DNM3: variants seen among roughly 807,000 people sequenced by gnomAD.
The protein encoded by DNM3 is dynamin-3.
A neutral mutation model predicts 101.6 loss-of-function variants in DNM3; 47 were observed. The observed-to-expected ratio is 0.46, with a 90% CI of 0.37 to 0.59. DNM3 has a LOEUF of 0.59. DNM3 is among the 20% of genes least tolerant of loss of function. The pLI, the probability that DNM3 is intolerant of heterozygous loss-of-function variation, is 0.00. For missense variants in DNM3, 849 were observed against 1,085.7 expected (o/e 0.78, Z 3.06); for synonymous variants, 385 against 387.9 (o/e 0.99, Z 0.09).
intron 15 of DNM3, among the ~76,000 whole-genome samples, chr1:172,258,794 G>A (rs2062524474): frequency 2.0e-5 from 3 of 151,306 alleles, no homozygotes; most frequent in African/African-American, 2.4e-5. Context: ...TTAATTCTGG[G>A]TTTTGTTTGT....
At chr1:171,868,876 C>T (rs1012973725) in intron 1 of DNM3, among the ~76,000 whole-genome samples, 2 of 152,044 alleles carry the variant, frequency 1.3e-5, no homozygotes, top group Admixed American at 6.5e-5. Context: ...ATCTGCCTCC[C>T]GGGTTCAAGC....
intron 1 of DNM3, among the ~76,000 whole-genome samples, chr1:171,847,026 GTA>G (rs1402669821): frequency 1.3e-5 from 2 of 152,274 alleles, no homozygotes; most frequent in East Asian, 3.9e-4. Context: ...CTGGGATTCA[GTA>G]TGACTCCTCC....
intron 14 of DNM3, among the ~76,000 whole-genome samples, chr1:172,189,957 C>T (rs185071636): frequency 0.011 from 1,666 of 151,794 alleles, 24 homozygotes; most frequent in African/African-American, 0.038. Flanking sequence ...GTTCCATCAC[C>T]ATAATCAAAT....
chr1:171,989,937 G>T (rs981356341), intron 4 of DNM3, among the ~76,000 whole-genome samples: 3 of 151,604 alleles, frequency 2.0e-5, no homozygotes, highest in Non-Finnish European at 2.9e-5. Flanking sequence ...ACTCCTAAAT[G>T]AATCCTTTAT....
At chr1:171,983,322 TG>T (rs1481494701) in intron 2 of DNM3, among the ~76,000 whole-genome samples, 1 of 121,498 alleles carries the variant, frequency 8.2e-6, no homozygotes, top group Non-Finnish European at 1.7e-5. Flanking sequence ...CCAGATGTGG[TG>T]GCACACTGCC....
chr1:171,952,780 A>T (rs922190884), intron 2 of DNM3, among the ~76,000 whole-genome samples: 1 of 152,202 alleles, frequency 6.6e-6, no homozygotes, highest in African/African-American at 2.4e-5. Context: ...AATAACTTAT[A>T]TCATTGCTTC....
intron 20 of DNM3, among the ~76,000 whole-genome samples, chr1:172,390,046 A>C (rs1469392570): frequency 5.3e-5 from 8 of 152,218 alleles, no homozygotes; most frequent in Non-Finnish European, 1.0e-4. Context: ...AGAGTTTGAT[A>C]CACTGTAAAG....
intron 16 of DNM3, among the ~76,000 whole-genome samples, chr1:172,318,582 A>ACACACC (rs2065518343): frequency 1.3e-5 from 2 of 152,168 alleles, no homozygotes; most frequent in Non-Finnish European, 2.9e-5. Flanking sequence ...AAGCATTCTT[A>ACACACC]TACACCAATA....
intron 1 of DNM3, among the ~76,000 whole-genome samples, chr1:171,899,392 T>G (rs2038102944): frequency 1.3e-5 from 2 of 152,186 alleles, no homozygotes; most frequent in South Asian, 4.1e-4. Context: ...AGTTTTGAAG[T>G]GACTAAAAAT....
chr1:172,127,576 A>AT (rs1266427175), intron 13 of DNM3, among the ~76,000 whole-genome samples: 1 of 151,144 alleles, frequency 6.6e-6, no homozygotes, highest in Non-Finnish European at 1.5e-5. Flanking sequence ...TGCTGGGCTA[A>AT]TTTTTTGTAT....
At chr1:171,923,017 A>T (rs935961407) in intron 2 of DNM3, among the ~76,000 whole-genome samples, 5 of 152,204 alleles carry the variant, frequency 3.3e-5, no homozygotes, top group Non-Finnish European at 7.3e-5. Flanking sequence ...ACATTCATGT[A>T]CATGTTTCTG....
chr1:172,410,927 ACATTTTCTATG>A lies in DNM3; in HGVS notation c.*3090_*3100del, dbSNP rs2071167779. ...ATGTTGATGTTTTCTGTGTACAAAC[ACATTTTCTATG>A]CATGTGTCTCTGTGTATATGGCATA... On this transcript the variant is annotated 3_prime_UTR_variant, in exon 21 of 21. Transcript: ENST00000627582. 1.0e-6 allele frequency: 1 copy of A among 985,280 alleles called. No homozygotes were observed. The highest frequency in any genetic ancestry group is 1.2e-6 in the Non-Finnish European group (1 of 829,810). 61.0% of individuals were successfully genotyped at this position (985,280 alleles called of 1,614,324 possible).
At chr1:172,160,264 A>G (rs542105303) in intron 14 of DNM3, among the ~76,000 whole-genome samples, 3 of 152,124 alleles carry the variant, frequency 2.0e-5, no homozygotes, top group African/African-American at 7.2e-5. Flanking sequence ...TTCTTCAACA[A>G]TAAAGTAACC....
intron 4 of DNM3, among the ~76,000 whole-genome samples, chr1:172,031,684 T>G (rs979218438): frequency 2.6e-5 from 4 of 152,182 alleles, no homozygotes; most frequent in Non-Finnish European, 5.9e-5. Flanking sequence ...GGTTCTTACA[T>G]TATTTATTAC....
chr1:172,182,123 G>A (rs1214742487), intron 14 of DNM3, among the ~76,000 whole-genome samples: 1 of 151,332 alleles, frequency 6.6e-6, no homozygotes, highest in East Asian at 1.9e-4. Context: ...TAGTGTGAAG[G>A]TCATCAAGCT....
At position 171,921,799 on chromosome 1, in the gene DNM3, G is replaced by T. The variant is rs1361422134; in HGVS notation, c.213G>T (p.Leu71=). 3 of 1,602,382 alleles carry T rather than the reference G, an allele frequency of 1.9e-6. No homozygotes were observed. In the African/African-American group the frequency reaches 4.0e-5, roughly 21 times the overall value. The change falls in exon 2 of 21, where the codon CTG becomes CTT. Residue 71 remains leucine (L), a synonymous_variant. Coordinates refer to ENST00000627582, the MANE Select transcript of DNM3 (RefSeq NM_015569.5). ...TTGTAACAAGACGACCTCTTGTGCT[G>T]CAGCTTGTTACTTCTAAAGCAGGTA... The part of the protein sequence containing the change: ...SGIVTRRPLV[L]QLVTSKAEYA...
chr1:172,089,963 C>G (rs1179736292), intron 12 of DNM3, among the ~76,000 whole-genome samples: 1 of 152,202 alleles, frequency 6.6e-6, no homozygotes, highest in African/African-American at 2.4e-5. Context: ...CATTTTATAG[C>G]TGAGCGACTG....
chr1:171,957,982 T>C (rs1169424888), intron 2 of DNM3, among the ~76,000 whole-genome samples: 1 of 152,234 alleles, frequency 6.6e-6, no homozygotes, highest in African/African-American at 2.4e-5. Context: ...CAATTTACTG[T>C]ATTAGTCTGT....
intron 4 of DNM3, among the ~76,000 whole-genome samples, chr1:172,003,562 T>TGG (rs1047849264): frequency 6.6e-6 from 1 of 151,652 alleles, no homozygotes; most frequent in Non-Finnish European, 1.5e-5. Flanking sequence ...CCTTCCTCTT[T>TGG]TTCCTCTATT....
Sources: allele counts gnomAD v4.1 joint callset (sites outside exome capture counted in the v4.1 genomes callset), GRCh38; gene constraint gnomAD v4.1.1; transcripts MANE v1.5; gene names NCBI Gene and HGNC (gene_info 2026-07-23, HGNC 2026-07-21).